BCKDHB: variants seen among roughly 807,000 people sequenced by gnomAD.
BCKDHB encodes branched chain keto acid dehydrogenase E1 subunit beta.
A neutral mutation model predicts 48.5 loss-of-function variants in BCKDHB; 41 were observed. The observed-to-expected ratio is 0.85, with a 90% CI of 0.66 to 1.10. BCKDHB has a LOEUF of 1.10. Ranked by LOEUF, BCKDHB falls within the 50% of genes least tolerant of loss-of-function variation. The pLI, the probability that BCKDHB is intolerant of heterozygous loss-of-function variation, is 0.00. For missense variants in BCKDHB, 496 were observed against 494.2 expected (o/e 1.00, Z -0.03); for synonymous variants, 201 against 174.8 (o/e 1.15, Z -1.18).
the BCKDHB span, among the ~76,000 whole-genome samples, chr6:80,362,848 TAATA>T: frequency 6.6e-6 from 1 of 152,310 alleles, no homozygotes; most frequent in East Asian, 1.9e-4. Context: ...ATTTTAAATT[TAATA>T]AATGTTCTGT....
intron 3 of BCKDHB, among the ~76,000 whole-genome samples, chr6:80,148,742 G>T (rs1582234721): frequency 1.3e-5 from 2 of 152,102 alleles, no homozygotes; most frequent in Admixed American, 1.3e-4. Context: ...TTAATAAATG[G>T]TGCTGGGAAA....
chr6:80,364,710 C>G, the BCKDHB span, among the ~76,000 whole-genome samples: 1 of 152,100 alleles, frequency 6.6e-6, no homozygotes, highest in South Asian at 2.1e-4. Context: ...ACTGTAAAAA[C>G]AGACTCATGA....
At chr6:80,171,444 T>A (rs191401573) in intron 6 of BCKDHB, 54 bp downstream of exon 6, 30 of 1,044,912 alleles carry the variant, frequency 2.9e-5, no homozygotes, top group Non-Finnish European at 4.3e-5. Context: ...CTTTGTTTTT[T>A]ATAGCTCTAA....
Position 80,157,529 on chromosome 6 carries a change from G to A in BCKDHB, c.344-10149G>A, listed in dbSNP as rs1367176401. ...TGCCAAGGCTGGAATGCAATGGCACGATCTTGGCTCACCGCAACCTCCGCC... is the reference window on the plus strand; with the variant it reads ...TGCCAAGGCTGGAATGCAATGGCACAATCTTGGCTCACCGCAACCTCCGCC... On this transcript the variant is annotated intron_variant, in intron 3 of 9. Transcript: ENST00000320393. 5.1e-5 allele frequency among the ~76,000 whole-genome samples: 7 copies of A among 138,198 alleles called. No homozygotes were observed. The South Asian group carries it at 7.0e-4, about 14-fold the overall frequency. 90.7% of individuals were successfully genotyped at this position (138,198 alleles called of 152,430 possible).
At chr6:80,411,332 A>C in the BCKDHB span, among the ~76,000 whole-genome samples, 1 of 152,142 alleles carries the variant, frequency 6.6e-6, no homozygotes, top group Non-Finnish European at 1.5e-5. Context: ...CTTCCTCTGG[A>C]AGCTTCATCC....
intron 9 of BCKDHB, chr6:80,307,338 C>T (rs1211606012): frequency 2.4e-6 from 2 of 835,380 alleles, no homozygotes; most frequent in Non-Finnish European, 2.9e-6. Flanking sequence ...TGTGCATTGA[C>T]AGATATTTAA....
chr6:80,383,787 G>T, the BCKDHB span, among the ~76,000 whole-genome samples: 2 of 151,916 alleles, frequency 1.3e-5, no homozygotes, highest in Non-Finnish European at 2.9e-5. Context: ...TAGTCTTGTA[G>T]CATATTCTCT....
intron 8 of BCKDHB, among the ~76,000 whole-genome samples, chr6:80,263,593 A>T (rs1286022565): frequency 6.6e-6 from 1 of 152,116 alleles, no homozygotes; most frequent in African/African-American, 2.4e-5. Context: ...ATGGGCCAAA[A>T]ATTCATTTAT....
At chr6:80,351,820 CTTTCT>C in the BCKDHB span, among the ~76,000 whole-genome samples, 2 of 119,174 alleles carry the variant, frequency 1.7e-5, no homozygotes, top group Non-Finnish European at 1.9e-5. Flanking sequence ...TTTTTTCTTT[CTTTCT>C]TTTTTTTTTT....
chr6:80,327,138 TG>T (rs1769071055), intron 9 of BCKDHB, among the ~76,000 whole-genome samples: 1 of 152,206 alleles, frequency 6.6e-6, no homozygotes, highest in African/African-American at 2.4e-5. Flanking sequence ...CAACTTATGA[TG>T]GGGTTACCTT....
At chr6:80,363,540 T>C in the BCKDHB span, among the ~76,000 whole-genome samples, 1 of 152,210 alleles carries the variant, frequency 6.6e-6, no homozygotes, top group Non-Finnish European at 1.5e-5. Context: ...AAAATTAACA[T>C]TTTGAATTTT....
the BCKDHB span, among the ~76,000 whole-genome samples, chr6:80,351,482 C>G: frequency 6.6e-6 from 1 of 151,962 alleles, no homozygotes; most frequent in African/African-American, 2.4e-5. Flanking sequence ...CTGTATTGTC[C>G]CCTTTTTTCA....
At chr6:80,262,447 T>C (rs1227192789) in intron 8 of BCKDHB, among the ~76,000 whole-genome samples, 1 of 152,148 alleles carries the variant, frequency 6.6e-6, no homozygotes, top group Non-Finnish European at 1.5e-5. Flanking sequence ...GAGAATCAAC[T>C]CTCAGAACTG....
chr6:80,424,896 G>A, the BCKDHB span, among the ~76,000 whole-genome samples: 2 of 152,224 alleles, frequency 1.3e-5, no homozygotes, highest in Admixed American at 1.3e-4. Context: ...CTGGAATAGA[G>A]AGCGGAAAAG....
chr6:80,392,353 T>G, the BCKDHB span, among the ~76,000 whole-genome samples: 1 of 150,220 alleles, frequency 6.7e-6, no homozygotes, highest in Non-Finnish European at 1.5e-5. Context: ...TTTGTTCTAT[T>G]AGGGCTGTAT....
At chr6:80,402,209 C>A in the BCKDHB span, among the ~76,000 whole-genome samples, 2 of 151,562 alleles carry the variant, frequency 1.3e-5, no homozygotes, top group African/African-American at 2.4e-5. Flanking sequence ...TTGCATGATG[C>A]TTATAACAAT....
At chr6:80,300,714 G>A (rs1482565571) in intron 9 of BCKDHB, among the ~76,000 whole-genome samples, 1 of 152,146 alleles carries the variant, frequency 6.6e-6, no homozygotes, top group Non-Finnish European at 1.5e-5. Flanking sequence ...TTATTTTCAT[G>A]TGCATGTGGG....
intron 8 of BCKDHB, among the ~76,000 whole-genome samples, chr6:80,219,610 C>A (rs934464449): frequency 6.6e-6 from 1 of 152,164 alleles, no homozygotes; most frequent in South Asian, 2.1e-4. Flanking sequence ...CTTAAAGGCA[C>A]CATTTCCTGG....
chr6:80,202,844 A>C (rs1012598210), intron 7 of BCKDHB, among the ~76,000 whole-genome samples: 1 of 151,644 alleles, frequency 6.6e-6, no homozygotes, highest in Non-Finnish European at 1.5e-5. Context: ...TACCTTCTAC[A>C]TGCCATCTTT....
Sources: allele counts gnomAD v4.1 joint callset (sites outside exome capture counted in the v4.1 genomes callset), GRCh38; gene constraint gnomAD v4.1.1; transcripts MANE v1.5; gene names NCBI Gene and HGNC (gene_info 2026-07-23, HGNC 2026-07-21).